The following UNC5C variants were observed in gnomAD, a reference collection of about 807,000 sequenced individuals.
UNC5C encodes the protein netrin receptor UNC5C.
UNC5C carries 47 observed loss-of-function variants against 99.8 expected under a neutral mutation model. That is an observed-to-expected ratio of 0.47 (90% CI 0.37 to 0.60). The LOEUF (loss-of-function observed/expected upper bound fraction) is 0.60, where lower values mean the gene tolerates loss of function less well. Ranked by LOEUF, UNC5C falls within the 20% of genes least tolerant of loss-of-function variation. The pLI, the probability that UNC5C is intolerant of heterozygous loss-of-function variation, is 0.00. For synonymous variants in UNC5C, 487 were observed against 452.2 expected, an observed-to-expected ratio of 1.08 and a Z score of -0.98; for missense variants, 1,062 against 1,165.9, an observed-to-expected ratio of 0.91 and a Z score of 1.30.
intron 3 of UNC5C, among the ~76,000 whole-genome samples, chr4:95,286,916 C>T (rs1389725949): frequency 6.6e-6 from 1 of 152,040 alleles, no homozygotes. Flanking sequence ...AAAACTTTAT[C>T]AAAATACTTG....
In UNC5C at chr4:95,256,714, A is replaced by ATAAATATATATATATATATATG. The variant is rs70946602; in HGVS notation, c.595-6048_595-6047insCATATATATATATATATATTTA. On this transcript the variant is annotated intron_variant, in intron 4 of 15. Transcript: ENST00000453304. ...GAACTAAATAAATATATATATATAT[A>ATAAATATATATATATATATATG]TATATATGAGTTTATTAAGTATTAA... Among the ~76,000 whole-genome samples, 7 of 127,348 alleles carry ATAAATATATATATATATATATG rather than the reference A, an allele frequency of 5.5e-5. 2 individuals carry two copies. The highest frequency in any genetic ancestry group is 2.7e-4 in the South Asian group (1 of 3,662). The allele number at this position is 127,348 out of a possible 152,430, so 83.5% of individuals were successfully genotyped here.
chr4:95,532,850 C>T (rs1722686040), intron 1 of UNC5C, among the ~76,000 whole-genome samples: 1 of 150,742 alleles, frequency 6.6e-6, no homozygotes, highest in South Asian at 2.1e-4. Context: ...CACAAATACT[C>T]CTGTCAGTCA....
intron 1 of UNC5C, among the ~76,000 whole-genome samples, chr4:95,448,787 A>G (rs887617590): frequency 5.1e-4 from 77 of 152,246 alleles, no homozygotes; most frequent in African/African-American, 1.8e-3. Context: ...TAATGGATAC[A>G]CTCTCTTTCG....
intron 1 of UNC5C, among the ~76,000 whole-genome samples, chr4:95,393,062 CAG>C (rs974995042): frequency 1.3e-5 from 2 of 152,090 alleles, no homozygotes; most frequent in Non-Finnish European, 2.9e-5. Flanking sequence ...AGAAAAGAAA[CAG>C]AGGGGATTTC....
chr4:95,548,674 A>G (rs2149499007), intron 1 of UNC5C, 60 bp downstream of exon 1: 2 of 1,573,010 alleles, frequency 1.3e-6, no homozygotes, highest in South Asian at 1.1e-5. Context: ...GGAGGAGGAG[A>G]GGAAGGAGGG....
At chr4:95,488,373 T>C (rs943122540) in intron 1 of UNC5C, among the ~76,000 whole-genome samples, 16 of 151,756 alleles carry the variant, frequency 1.1e-4, no homozygotes, top group African/African-American at 3.9e-4. Context: ...GAAAAACGAA[T>C]TACACTTTAT....
intron 3 of UNC5C, among the ~76,000 whole-genome samples, chr4:95,284,605 C>T (rs1741169718): frequency 6.6e-6 from 1 of 152,012 alleles, no homozygotes; most frequent in Non-Finnish European, 1.5e-5. Flanking sequence ...AAGTGGGTTA[C>T]AGAAATTTGG....
intron 15 of UNC5C, among the ~76,000 whole-genome samples, chr4:95,169,628 A>G (rs1736006796): frequency 6.6e-6 from 1 of 152,186 alleles, no homozygotes; most frequent in African/African-American, 2.4e-5. Context: ...TTAAGAGACA[A>G]GATGTCTATG....
At chr4:95,246,964 C>T (rs1350961124) in intron 5 of UNC5C, among the ~76,000 whole-genome samples, 1 of 151,822 alleles carries the variant, frequency 6.6e-6, no homozygotes, top group Non-Finnish European at 1.5e-5. Context: ...ATCATTTGAA[C>T]TCAGGAGACA....
chr4:95,421,722 TACTATA>T (rs1746325732), intron 1 of UNC5C, among the ~76,000 whole-genome samples: 1 of 152,044 alleles, frequency 6.6e-6, no homozygotes, highest in Non-Finnish European at 1.5e-5. Context: ...ATGAATAATT[TACTATA>T]ACTATTTCAG....
intron 4 of UNC5C, among the ~76,000 whole-genome samples, chr4:95,263,608 A>G (rs887523821): frequency 6.6e-6 from 1 of 152,292 alleles, no homozygotes; most frequent in Admixed American, 6.5e-5. Context: ...TTGCCAAAAG[A>G]CACTCAAGTC....
At chr4:95,464,460 C>A (rs1747709838) in intron 1 of UNC5C, among the ~76,000 whole-genome samples, 1 of 152,058 alleles carries the variant, frequency 6.6e-6, no homozygotes, top group African/African-American at 2.4e-5. Context: ...TGGATGGTAT[C>A]CTGGTTGGTA....
At chr4:95,399,526 C>T (rs1157116194) in intron 1 of UNC5C, among the ~76,000 whole-genome samples, 1 of 152,176 alleles carries the variant, frequency 6.6e-6, no homozygotes, top group African/African-American at 2.4e-5. Context: ...CCTGAATCCC[C>T]TTCCTATCTC....
intron 1 of UNC5C, among the ~76,000 whole-genome samples, chr4:95,513,712 A>G (rs190716228): frequency 6.6e-6 from 1 of 152,314 alleles, no homozygotes; most frequent in Admixed American, 6.5e-5. Flanking sequence ...CATTAACGCA[A>G]CAGCTTTAGA....
At chr4:95,481,352 AT>A (rs922261968) in intron 1 of UNC5C, among the ~76,000 whole-genome samples, 1 of 152,012 alleles carries the variant, frequency 6.6e-6, no homozygotes, top group African/African-American at 2.4e-5. Context: ...GCTCAACGAA[AT>A]AAAAGAGGAT....
At chr4:95,222,013 A>G (rs1738486279) in intron 7 of UNC5C, among the ~76,000 whole-genome samples, 1 of 152,190 alleles carries the variant, frequency 6.6e-6, no homozygotes, top group African/African-American at 2.4e-5. Context: ...AGACTGATAG[A>G]TTTTAAAGTT....
chr4:95,534,567 C>T (rs1432969285), intron 1 of UNC5C, among the ~76,000 whole-genome samples: 1 of 152,026 alleles, frequency 6.6e-6, no homozygotes, highest in Non-Finnish European at 1.5e-5. Flanking sequence ...TTTCATTTTA[C>T]AAATACACAC....
chr4:95,247,472 G>A (rs1215908795), intron 5 of UNC5C, among the ~76,000 whole-genome samples: 1 of 152,224 alleles, frequency 6.6e-6, no homozygotes, highest in East Asian at 1.9e-4. Flanking sequence ...TGATATTTGG[G>A]GTTTAGGATA....
intron 1 of UNC5C, among the ~76,000 whole-genome samples, chr4:95,449,304 C>T (rs1236569366): frequency 6.6e-6 from 1 of 152,186 alleles, no homozygotes; most frequent in African/African-American, 2.4e-5. Context: ...CATTGCCTGT[C>T]ATGACCACCA....
Sources: gnomAD v4.1 joint callset for allele counts (sites outside exome capture counted in the v4.1 genomes callset) on GRCh38, gnomAD v4.1.1 for gene constraint, MANE v1.5 for transcripts, NCBI Gene and HGNC (gene_info 2026-07-23, HGNC 2026-07-21) for gene names.